OTUD4: variants seen among roughly 807,000 people sequenced by gnomAD.
OTUD4 encodes the protein OTU domain-containing protein 4.
A neutral mutation model predicts 130.4 loss-of-function variants in OTUD4; 24 were observed. The observed-to-expected ratio is 0.18, with a 90% CI of 0.13 to 0.26. The LOEUF (loss-of-function observed/expected upper bound fraction) is 0.26. Ranked by LOEUF, OTUD4 falls within the 10% of genes least tolerant of loss-of-function variation. OTUD4 has a pLI of 1.00. For synonymous variants in OTUD4, 420 were observed against 472.5 expected (o/e 0.89, Z 1.44); for missense variants, 1,031 against 1,329.4 (o/e 0.78, Z 3.49).
Position 145,155,703 on chromosome 4 carries a change from A to T in OTUD4, c.691-17T>A. 1 of 1,494,122 alleles carries T rather than the reference A, an allele frequency of 6.7e-7. No individual in the cohort carries two copies. 92.6% of individuals were successfully genotyped at this position (1,494,122 alleles called of 1,614,324 possible). ...CTTCAGCTGCTAAACAAAGTCAGGAAGTCCAATCAACACATAAGTGCTTTT... is the reference window on the plus strand; with the variant it reads ...CTTCAGCTGCTAAACAAAGTCAGGATGTCCAATCAACACATAAGTGCTTTT... On this transcript the variant is annotated splice_polypyrimidine_tract_variant and intron_variant, in intron 8 of 20. Transcript: ENST00000447906.
At chr4:145,164,282 T>G (rs1037447421) in intron 4 of OTUD4, 56 bp from the exon 5 acceptor site, 3 of 841,028 alleles carry the variant, frequency 3.6e-6, no homozygotes, top group Non-Finnish European at 5.7e-6. Context: ...GAATTTGAAT[T>G]TAATCATTCA....
At chr4:145,139,003 GTT>G (rs968899567) in intron 20 of OTUD4, among the ~76,000 whole-genome samples, 1 of 152,096 alleles carries the variant, frequency 6.6e-6, no homozygotes, top group Non-Finnish European at 1.5e-5. Context: ...ATCTGAATTT[GTT>G]TTACTGGGAA....
chr4:145,144,019 T>TAA lies in OTUD4; in HGVS notation c.1547-20_1547-19dup. ...AATAGAGTCTATAGCAGATCAAGAT[T>TAA]AAAAAAGACAGCATAAGCCACCAGT... On this transcript the variant is annotated intron_variant, in intron 15 of 20. Transcript: ENST00000447906. 6.3e-7 allele frequency: 1 copy of TAA among 1,598,730 alleles called. No individual in the cohort carries two copies. The highest frequency in any genetic ancestry group is 8.6e-7 in the Non-Finnish European group (1 of 1,167,218).
intron 3 of OTUD4, 99 bp from the exon 4 acceptor site, chr4:145,165,296 T>C: frequency 1.5e-6 from 1 of 679,644 alleles, no homozygotes. Flanking sequence ...CGTAATGAGT[T>C]CTTAAAGCTC....
At chr4:145,160,571 G>T (rs373485281) in intron 6 of OTUD4, among the ~76,000 whole-genome samples, 1 of 152,256 alleles carries the variant, frequency 6.6e-6, no homozygotes, top group East Asian at 1.9e-4. Context: ...CCAACACTTT[G>T]GGAGACCAAG....
At chr4:145,160,570 TG>T (rs1298656069) in intron 6 of OTUD4, among the ~76,000 whole-genome samples, 20 of 152,182 alleles carry the variant, frequency 1.3e-4, no homozygotes, top group Non-Finnish European at 7.3e-5. Flanking sequence ...CCCAACACTT[TG>T]GGAGACCAAG....
At position 145,159,491 on chromosome 4, in the gene OTUD4, T is replaced by C; in HGVS notation, c.629+12A>G. On this transcript the variant is annotated intron_variant, in intron 7 of 20. Transcript: ENST00000447906. Reference sequence around the variant, plus strand: ...TGGCACTAAGAAAGGTATTTTAGGATTTCATTCTTACTTGCAACTGTCATC... The same window carrying C: ...TGGCACTAAGAAAGGTATTTTAGGACTTCATTCTTACTTGCAACTGTCATC... The C allele has an allele frequency of 6.2e-7, 1 of 1,613,230 alleles. No individual in the cohort carries two copies. Among genetic ancestry groups the C allele is most frequent in the Non-Finnish European group, 8.5e-7 (1 of 1,179,616 alleles).
intron 7 of OTUD4, chr4:145,159,032 C>A: frequency 2.9e-6 from 1 of 344,862 alleles, no homozygotes; most frequent in Non-Finnish European, 4.1e-6. Flanking sequence ...TACTCACAAC[C>A]TACACAGAGG....
At position 145,137,398 on chromosome 4, in the gene OTUD4, G is replaced by A; in HGVS notation, c.*32C>T. 6.5e-7 allele frequency: 1 copy of A among 1,546,792 alleles called. No individual in the cohort carries two copies. On this transcript the variant is annotated 3_prime_UTR_variant, in exon 21 of 21. Coordinates refer to ENST00000447906, the MANE Select transcript of OTUD4 (RefSeq NM_001366057.1). Reference sequence around the variant, plus strand: ...GCCTTCAGAAACATTCCACCTAAGAGTTTCTGTTAGAAAATACTTCGGCAA... The same window carrying A: ...GCCTTCAGAAACATTCCACCTAAGAATTTCTGTTAGAAAATACTTCGGCAA...
chr4:145,135,532 G>A lies in OTUD4; in HGVS notation c.*1898C>T, dbSNP rs1458804785. The stretch of plus-strand genomic sequence containing the variant: ...AAAAAAGCATGAGCTGAAAGTGGAG[G>A]ACCCTCTATCTTCTCATTCCTTAAC... On this transcript the variant is annotated 3_prime_UTR_variant, in exon 21 of 21. Coordinates refer to ENST00000447906, the MANE Select transcript of OTUD4 (RefSeq NM_001366057.1). The A allele has an allele frequency of 1.3e-5, 2 of 152,158 alleles. No individual in the cohort carries two copies. The highest frequency in any genetic ancestry group is 1.3e-4 in the Admixed American group (2 of 15,266). 9.4% of individuals were successfully genotyped at this position (152,158 alleles called of 1,614,324 possible).
At chr4:145,151,307 A>AT (rs1751057453) in intron 11 of OTUD4, among the ~76,000 whole-genome samples, 1 of 152,066 alleles carries the variant, frequency 6.6e-6, no homozygotes, top group Non-Finnish European at 1.5e-5. Flanking sequence ...TTTCATTTTC[A>AT]TTTTTTAAAA....
In OTUD4 at chr4:145,137,688, T is replaced by C; in HGVS notation, c.3087A>G (p.Glu1029=). The C allele has an allele frequency of 3.7e-6, 6 of 1,614,010 alleles. No homozygotes were observed. The highest frequency in any genetic ancestry group is 5.1e-6 in the Non-Finnish European group (6 of 1,179,984). The change falls in exon 21 of 21, where the codon GAA becomes GAG. Residue 1029 remains glutamate, a synonymous_variant. Coordinates refer to ENST00000447906, the MANE Select transcript of OTUD4 (RefSeq NM_001366057.1). ...PKEESSEDEN[E]VSNILRSGRS... is the part of the protein sequence containing the mutation. ...TACCACTTCTCAAAATATTAGACAC[T>C]TCATTTTCATCTTCTGAACTCTCTT...
chr4:145,165,223 T>A, intron 3 of OTUD4, 26 bp from the exon 4 acceptor site: 1 of 1,556,628 alleles, frequency 6.4e-7, no homozygotes. Flanking sequence ...AAAGGTGGCA[T>A]GTAAGTGTCT....
chr4:145,161,850 C>T (rs1751586392), intron 6 of OTUD4, among the ~76,000 whole-genome samples: 1 of 152,172 alleles, frequency 6.6e-6, no homozygotes, highest in Admixed American at 6.5e-5. Context: ...AAGCTATACA[C>T]TAACAGTTTT....
At chr4:145,179,551 G>C (rs1752588187) in intron 1 of OTUD4, 4 of 1,201,430 alleles carry the variant, frequency 3.3e-6, no homozygotes, top group Admixed American at 4.1e-5. Context: ...CTCCGAGCAG[G>C]CCTCACAAGT....
chr4:145,164,347 C>A lies in OTUD4; in HGVS notation c.342-121G>T, dbSNP rs542672240. ...GGCACTGTCCCAACCACTGGAGATA[C>A]AAAAGACAATAATGAGATAACTAAG... On this transcript the variant is annotated intron_variant, in intron 4 of 20. Transcript: ENST00000447906. 1.3e-5 allele frequency: 6 copies of A among 454,654 alleles called. No homozygotes were observed. The East Asian group carries it at 2.1e-4, about 16-fold the overall frequency. The allele number at this position is 454,654 out of a possible 1,614,324, so 28.2% of individuals were successfully genotyped here. A position where few individuals can be genotyped will look rare whatever the true frequency, so the allele number is the denominator to read the frequency against.
chr4:145,153,716 G>C (rs1393880192), intron 10 of OTUD4, among the ~76,000 whole-genome samples: 3 of 152,152 alleles, frequency 2.0e-5, no homozygotes, highest in Non-Finnish European at 4.4e-5. Flanking sequence ...CACCTGCCAA[G>C]TACAACATAC....
rs1752619327 is a variant in OTUD4, at chr4:145,180,009, G to A, written c.-36C>T. On this transcript the variant is annotated 5_prime_UTR_variant, in exon 1 of 21. Coordinates refer to ENST00000447906, the MANE Select transcript of OTUD4 (RefSeq NM_001366057.1). ...CTGCTGCAGGCCAGGCGCGGCGAGGGCTAGCCCCACATGGCCAGGCCGCCG... is the reference window on the plus strand; with the variant it reads ...CTGCTGCAGGCCAGGCGCGGCGAGGACTAGCCCCACATGGCCAGGCCGCCG... 7.8e-6 allele frequency: 11 copies of A among 1,408,530 alleles called. No individual in the cohort carries two copies. The highest frequency in any genetic ancestry group is 3.0e-5 in the East Asian group (1 of 32,880). The allele number at this position is 1,408,530 out of a possible 1,614,324, so 87.3% of individuals were successfully genotyped here.
chr4:145,138,683 AGAG>A (rs755767422), intron 20 of OTUD4, 33 bp from the exon 21 acceptor site: 82 of 1,557,596 alleles, frequency 5.3e-5, no homozygotes, highest in Middle Eastern at 1.8e-4. Context: ...AATAAACAAA[AGAG>A]GAGAAAAAAG....
Sources: allele counts gnomAD v4.1 joint callset (sites outside exome capture counted in the v4.1 genomes callset), GRCh38; gene constraint gnomAD v4.1.1; transcripts MANE v1.5; gene names NCBI Gene and HGNC (gene_info 2026-07-23, HGNC 2026-07-21).